PCLO: variants seen among roughly 807,000 people sequenced by gnomAD.
PCLO encodes the protein protein piccolo.
In PCLO, 82 loss-of-function variants were observed where a neutral mutation model predicts 427.5. The observed-to-expected ratio is 0.19, with a 90% CI of 0.16 to 0.23. The LOEUF is 0.23. PCLO is among the 10% of genes least tolerant of loss of function. The pLI, the probability that PCLO is intolerant of heterozygous loss-of-function variation, is 1.00. For missense variants in PCLO, 6,239 were observed against 6,115.9 expected (o/e 1.02, Z -0.67); for synonymous variants, 2,357 against 2,155.4 (o/e 1.09, Z -2.59).
At chr7:82,879,734 G>A in intron 9 of PCLO, 1 of 444,430 alleles carries the variant, frequency 2.3e-6, no homozygotes. Flanking sequence ...CCCAGGACTT[G>A]CCAATTTTTG....
At chr7:82,822,433 G>C in intron 20 of PCLO, 62 bp downstream of exon 20, 2 of 1,611,826 alleles carry the variant, frequency 1.2e-6, no homozygotes, top group Non-Finnish European at 1.7e-6. Context: ...AGGACAGCAG[G>C]AAAGAAAGGC....
At chr7:82,914,303 C>A in intron 7 of PCLO, 1 of 426,650 alleles carries the variant, frequency 2.3e-6, no homozygotes, top group Non-Finnish European at 4.1e-6. Flanking sequence ...GAAACTGAAA[C>A]TGACCAATAA....
intron 6 of PCLO, among the ~76,000 whole-genome samples, chr7:82,927,606 G>A (rs943837865): frequency 6.6e-6 from 1 of 152,070 alleles, no homozygotes; most frequent in Non-Finnish European, 1.5e-5. Flanking sequence ...GGATTTCAAG[G>A]ATCGGGTGAA....
At chr7:83,064,847 ATAAC>A (rs1437434279) in intron 3 of PCLO, among the ~76,000 whole-genome samples, 7 of 152,074 alleles carry the variant, frequency 4.6e-5, no homozygotes, top group African/African-American at 1.7e-4. Flanking sequence ...GAAAAGAATA[ATAAC>A]TATAATTTCT....
intron 3 of PCLO, among the ~76,000 whole-genome samples, chr7:83,003,197 T>A (rs940734369): frequency 6.6e-6 from 1 of 151,388 alleles, no homozygotes; most frequent in Non-Finnish European, 1.5e-5. Context: ...AATTTTAAAA[T>A]ATACGATAAG....
chr7:83,039,201 CATTT>C (rs1486800260), intron 3 of PCLO, among the ~76,000 whole-genome samples: 9 of 151,902 alleles, frequency 5.9e-5, no homozygotes, highest in African/African-American at 1.7e-4. Context: ...TGATGTGAAT[CATTT>C]AAGTTTTTAA....
In PCLO at chr7:83,038,013, A is replaced by ATT. The variant is rs1487364339; in HGVS notation, c.3301-71527_3301-71526insAA. Among the ~76,000 whole-genome samples, 161 of 47,236 alleles carry ATT rather than the reference A, an allele frequency of 3.4e-3. 3 individuals carry two copies. The highest frequency in any genetic ancestry group is 4.4e-3 in the Non-Finnish European group (134 of 30,302). The allele number at this position is 47,236 out of a possible 152,430, so 31.0% of individuals were successfully genotyped here. On this transcript the variant is annotated intron_variant, in intron 3 of 24. Transcript: ENST00000333891. ...CTTATATATATATATATATATATATATATATATATATATATATTTATATAT... is the reference window on the plus strand; with the variant it reads ...CTTATATATATATATATATATATATATTTATATATATATATATATTTATATAT...
At chr7:83,069,157 T>C (rs1428937464) in intron 3 of PCLO, among the ~76,000 whole-genome samples, 2 of 152,140 alleles carry the variant, frequency 1.3e-5, no homozygotes, top group African/African-American at 2.4e-5. Context: ...TGGTAATACA[T>C]ATGTTAATGA....
At chr7:83,100,664 G>C (rs1417038225) in intron 3 of PCLO, among the ~76,000 whole-genome samples, 1 of 151,976 alleles carries the variant, frequency 6.6e-6, no homozygotes, top group Non-Finnish European at 1.5e-5. Context: ...GAGGATGGAG[G>C]GTGAGAGAAG....
At chr7:83,112,550 T>A (rs541060074) in intron 3 of PCLO, among the ~76,000 whole-genome samples, 2 of 152,258 alleles carry the variant, frequency 1.3e-5, no homozygotes, top group South Asian at 4.2e-4. Flanking sequence ...ATGAAGCCAT[T>A]TAGCCATAAA....
intron 3 of PCLO, among the ~76,000 whole-genome samples, chr7:83,085,988 T>C (rs1471848569): frequency 6.6e-6 from 1 of 152,196 alleles, no homozygotes; most frequent in African/African-American, 2.4e-5. Context: ...AAATGTGACT[T>C]GATGGACAAA....
intron 3 of PCLO, among the ~76,000 whole-genome samples, chr7:83,105,164 AAT>A (rs1279118430): frequency 6.6e-6 from 1 of 152,184 alleles, no homozygotes; most frequent in African/African-American, 2.4e-5. Context: ...CTTATGTTTA[AAT>A]AATCCATGGT....
At chr7:82,973,666 CTT>C (rs927041613) in intron 3 of PCLO, among the ~76,000 whole-genome samples, 2 of 151,704 alleles carry the variant, frequency 1.3e-5, no homozygotes, top group African/African-American at 4.8e-5. Flanking sequence ...AATGAAGTCT[CTT>C]TGTTTCCCTC....
intron 20 of PCLO, among the ~76,000 whole-genome samples, chr7:82,817,335 C>G (rs1398382240): frequency 6.6e-6 from 1 of 152,122 alleles, no homozygotes; most frequent in South Asian, 2.1e-4. Flanking sequence ...AAGACTTCAC[C>G]TCCAAATGAA....
chr7:82,923,736 C>A (rs1042356171), intron 6 of PCLO, among the ~76,000 whole-genome samples: 3 of 152,004 alleles, frequency 2.0e-5, no homozygotes, highest in African/African-American at 7.2e-5. Context: ...TGACAGCCAG[C>A]AACATAGTTT....
chr7:83,029,438 A>G (rs1386507960), intron 3 of PCLO, among the ~76,000 whole-genome samples: 149 of 136,782 alleles, frequency 1.1e-3, no homozygotes, highest in Non-Finnish European at 1.9e-3. Context: ...TTAGAATGGC[A>G]ATCATTAAAA....
At chr7:82,778,506 T>C (rs1790801859) in intron 22 of PCLO, among the ~76,000 whole-genome samples, 1 of 152,218 alleles carries the variant, frequency 6.6e-6, no homozygotes. Flanking sequence ...TGTGGCATCA[T>C]TTGCTGAACA....
chr7:82,843,181 G>A (rs1262718647), intron 13 of PCLO, among the ~76,000 whole-genome samples: 1 of 152,070 alleles, frequency 6.6e-6, no homozygotes, highest in Non-Finnish European at 1.5e-5. Context: ...ATTAGGTAAC[G>A]AAAATGTGTT....
chr7:82,794,454 TTTTTC>T (rs1562789346), intron 22 of PCLO, among the ~76,000 whole-genome samples: 23 of 89,982 alleles, frequency 2.6e-4, no homozygotes, highest in East Asian at 9.5e-4. Flanking sequence ...TCATAAATTT[TTTTTC>T]TTTTTTTTTT....
Sources: allele counts gnomAD v4.1 joint callset (sites outside exome capture counted in the v4.1 genomes callset), GRCh38; gene constraint gnomAD v4.1.1; transcripts MANE v1.5; gene names NCBI Gene and HGNC (gene_info 2026-07-23, HGNC 2026-07-21).